PPP3CA: variants seen among roughly 807,000 people sequenced by gnomAD.
PPP3CA encodes protein phosphatase 3 catalytic subunit alpha, also known as CAM-PRP catalytic subunit.
PPP3CA carries 14 observed loss-of-function variants against 66.5 expected under a neutral mutation model. That is an observed-to-expected ratio of 0.21 (90% CI 0.14 to 0.33). The LOEUF is 0.33. PPP3CA is among the 10% of genes least tolerant of loss of function. The pLI, the probability that PPP3CA is intolerant of heterozygous loss-of-function variation, is 1.00. For synonymous variants in PPP3CA, 232 were observed against 226.2 expected (o/e 1.03, Z -0.23); for missense variants, 317 against 639.5 (o/e 0.50, Z 5.44).
chr4:101,203,184 A>C (rs1725021813), intron 1 of PPP3CA, among the ~76,000 whole-genome samples: 1 of 152,196 alleles, frequency 6.6e-6, no homozygotes, highest in Non-Finnish European at 1.5e-5. Context: ...TTATTTAATA[A>C]AGATCAGACT....
At chr4:101,133,697 C>T (rs981404961) in intron 2 of PPP3CA, among the ~76,000 whole-genome samples, 10 of 152,116 alleles carry the variant, frequency 6.6e-5, no homozygotes, top group African/African-American at 2.4e-4. Context: ...CAATGCTATT[C>T]CCATTAAGCT....
chr4:101,210,738 G>T (rs1725274979), intron 1 of PPP3CA, among the ~76,000 whole-genome samples: 1 of 152,078 alleles, frequency 6.6e-6, no homozygotes, highest in Non-Finnish European at 1.5e-5. Context: ...TAGTTGGTTT[G>T]TGTTTATTTC....
intron 1 of PPP3CA, among the ~76,000 whole-genome samples, chr4:101,342,437 G>A (rs951445389): frequency 2.0e-5 from 3 of 152,118 alleles, no homozygotes; most frequent in Non-Finnish European, 4.4e-5. Flanking sequence ...AAAAGGAAAT[G>A]TTAATAAATA....
At chr4:101,029,347 T>TAAAAAAAAAAA (rs34620032) in intron 12 of PPP3CA, 152 bp from the exon 13 acceptor site, 139 of 78,776 alleles carry the variant, frequency 1.8e-3, no homozygotes, top group Middle Eastern at 6.8e-3. Flanking sequence ...ACAGAAATGC[T>TAAAAAAAAAAA]AAAAAAAAAA....
At chr4:101,110,796 T>G (rs1461856384) in intron 2 of PPP3CA, among the ~76,000 whole-genome samples, 1 of 152,184 alleles carries the variant, frequency 6.6e-6, no homozygotes, top group Admixed American at 6.5e-5. Context: ...GGGGAATAAA[T>G]AGAGAACACT....
chr4:101,285,266 T>A (rs139613108), intron 1 of PPP3CA, among the ~76,000 whole-genome samples: 74 of 152,316 alleles, frequency 4.9e-4, no homozygotes, highest in African/African-American at 1.7e-3. Flanking sequence ...TATCCTTAAC[T>A]TGCTTTCCTT....
At chr4:101,187,489 A>G (rs1193915270) in intron 2 of PPP3CA, among the ~76,000 whole-genome samples, 1 of 152,136 alleles carries the variant, frequency 6.6e-6, no homozygotes, top group Non-Finnish European at 1.5e-5. Context: ...AATACAGGCA[A>G]TTTAATGTCT....
intron 1 of PPP3CA, chr4:101,330,269 A>G (rs1434761086): frequency 2.3e-6 from 1 of 429,438 alleles, no homozygotes; most frequent in Non-Finnish European, 4.6e-6. Context: ...TCCTGAAGAT[A>G]GGACTGACTT....
At chr4:101,114,246 T>TA (rs1273600497) in intron 2 of PPP3CA, among the ~76,000 whole-genome samples, 1 of 152,146 alleles carries the variant, frequency 6.6e-6, no homozygotes, top group African/African-American at 2.4e-5. Flanking sequence ...TGTATATACT[T>TA]ATGTCAGAAA....
chr4:101,324,738 A>G (rs1369329505), intron 1 of PPP3CA, among the ~76,000 whole-genome samples: 1 of 152,132 alleles, frequency 6.6e-6, no homozygotes, highest in Non-Finnish European at 1.5e-5. Context: ...TTCATTCCCT[A>G]CTGCCAAGTG....
chr4:101,181,185 T>C (rs1724225509), intron 2 of PPP3CA, among the ~76,000 whole-genome samples: 1 of 152,116 alleles, frequency 6.6e-6, no homozygotes, highest in Non-Finnish European at 1.5e-5. Flanking sequence ...TTTTTCAAAT[T>C]GGTAGACCAT....
intron 2 of PPP3CA, among the ~76,000 whole-genome samples, chr4:101,121,685 A>T (rs903946839): frequency 6.6e-5 from 10 of 152,186 alleles, no homozygotes; most frequent in Non-Finnish European, 1.3e-4. Flanking sequence ...TAAAAAAAAT[A>T]GTCATTATTT....
intron 1 of PPP3CA, among the ~76,000 whole-genome samples, chr4:101,320,274 G>A (rs1728999019): frequency 6.6e-6 from 1 of 151,604 alleles, no homozygotes; most frequent in Admixed American, 6.6e-5. Flanking sequence ...TTAGCATTAG[G>A]GAGGCATTCC....
At chr4:101,170,653 C>T (rs1723847512) in intron 2 of PPP3CA, among the ~76,000 whole-genome samples, 1 of 151,972 alleles carries the variant, frequency 6.6e-6, no homozygotes, top group Non-Finnish European at 1.5e-5. Context: ...AGCATCTCTT[C>T]TCTACATGTC....
At chr4:101,097,014 C>T (rs1221552990) in intron 5 of PPP3CA, among the ~76,000 whole-genome samples, 1 of 152,008 alleles carries the variant, frequency 6.6e-6, no homozygotes, top group African/African-American at 2.4e-5. Context: ...TATGAATGCC[C>T]CTAATGATAA....
intron 1 of PPP3CA, among the ~76,000 whole-genome samples, chr4:101,199,491 C>T (rs1457986134): frequency 3.9e-5 from 6 of 152,164 alleles, no homozygotes; most frequent in Non-Finnish European, 7.4e-5. Context: ...CCTGTAAGCA[C>T]AGAATATAGT....
intron 8 of PPP3CA, among the ~76,000 whole-genome samples, chr4:101,066,796 A>G (rs1345769473): frequency 6.6e-6 from 1 of 152,116 alleles, no homozygotes; most frequent in African/African-American, 2.4e-5. Flanking sequence ...TCCGACTGTC[A>G]TTGGGATTAC....
Position 101,080,521 on chromosome 4 carries a change from A to T in PPP3CA, c.955+11T>A, listed in dbSNP as rs763632513. ...TATGTAAGACTGCAAGAGGTATTTA[A>T]AAACACTTACCTTTGTTATTGTATA... On this transcript the variant is annotated intron_variant, in intron 8 of 13. Coordinates refer to ENST00000394854, the MANE Select transcript of PPP3CA (RefSeq NM_000944.5). The T allele has an allele frequency of 7.9e-6, 11 of 1,389,108 alleles. No individual in the cohort carries two copies. The highest frequency in any genetic ancestry group is 1.1e-5 in the Non-Finnish European group (11 of 1,026,416). The allele number at this position is 1,389,108 out of a possible 1,614,324, so 86.0% of individuals were successfully genotyped here.
In PPP3CA at chr4:101,033,277, C is replaced by G. The variant is rs11937603; in HGVS notation, c.1242-913G>C. Among the ~76,000 whole-genome samples, 457 of 79,872 alleles carry G rather than the reference C, an allele frequency of 5.7e-3. 1 individual carries two copies. The highest frequency in any genetic ancestry group is 0.019 in the African/African-American group (419 of 21,870). The allele number at this position is 79,872 out of a possible 152,430, so 52.4% of individuals were successfully genotyped here. Reference sequence around the variant, plus strand: ...GCGTGTATATATACATACATAGAGACACACACACACACACAAACACACACA... The same window carrying G: ...GCGTGTATATATACATACATAGAGAGACACACACACACACAAACACACACA... On this transcript the variant is annotated intron_variant, in intron 11 of 13. Coordinates refer to ENST00000394854, the MANE Select transcript of PPP3CA (RefSeq NM_000944.5).
Sources: allele counts gnomAD v4.1 joint callset (sites outside exome capture counted in the v4.1 genomes callset), GRCh38; gene constraint gnomAD v4.1.1; transcripts MANE v1.5; gene names NCBI Gene and HGNC (gene_info 2026-07-23, HGNC 2026-07-21).